The following ACAD11 variants were observed in gnomAD, a reference collection of about 807,000 sequenced individuals.
The protein encoded by ACAD11 is acyl-CoA dehydrogenase family member 11, also known as acyl-Coenzyme A dehydrogenase family, member 11.
ACAD11 carries 83 observed loss-of-function variants against 102.2 expected under a neutral mutation model. That is an observed-to-expected ratio of 0.81 (90% CI 0.68 to 0.97). ACAD11 has a LOEUF of 0.97. ACAD11 is among the 50% of genes least tolerant of loss of function. The pLI is 0.00. For synonymous variants in ACAD11, 324 were observed against 319.8 expected, an observed-to-expected ratio of 1.01 and a Z score of -0.14; for missense variants, 901 against 951.7, an observed-to-expected ratio of 0.95 and a Z score of 0.70.
At chr3:132,633,373 T>C (rs749633063) in intron 5 of ACAD11, among the ~76,000 whole-genome samples, 24 of 152,182 alleles carry the variant, frequency 1.6e-4, no homozygotes, top group Non-Finnish European at 3.5e-4. Flanking sequence ...TGCTGGATTA[T>C]GTTTACTGAT....
At position 132,639,517 on chromosome 3, in the gene ACAD11, T is replaced by C. The variant is rs1242140033; in HGVS notation, c.677A>G (p.Asp226Gly). 2 of 1,613,666 alleles carry C rather than the reference T, an allele frequency of 1.2e-6. No homozygotes were observed. Among genetic ancestry groups the C allele is most frequent in the Non-Finnish European group, 8.5e-7 (1 of 1,179,932 alleles). Residue 226 changes from aspartate to glycine, a missense_variant, in exon 5 of 20, where the codon GAT becomes GGT. Coordinates refer to ENST00000264990, the MANE Select transcript of ACAD11 (RefSeq NM_032169.5). ...ENLIHGDFRL[D>G]NIVFHPKECR... ...CTCTTTAGGGTGGAAAACTATGTTA[T>C]CTAGTCTGAAATCTCCATGAATCAA...
At position 132,609,772 on chromosome 3, in the gene ACAD11, G is replaced by A. The variant is rs147918534; in HGVS notation, c.1415-4567C>T. Among the ~76,000 whole-genome samples, 375 of 152,114 alleles carry A rather than the reference G, an allele frequency of 2.5e-3. 2 individuals carry two copies. Among genetic ancestry groups the A allele is most frequent in the African/African-American group, 8.6e-3 (355 of 41,498 alleles). On this transcript the variant is annotated intron_variant, in intron 11 of 19. Coordinates refer to ENST00000264990, the MANE Select transcript of ACAD11 (RefSeq NM_032169.5). The stretch of plus-strand genomic sequence containing the variant: ...AAAAAGAGGGACTCCTTCCTAACTC[G>A]TTTTATGAGGCCAGCATCATCCTGA...
chr3:132,565,900 C>T (rs1399442917), intron 17 of ACAD11, among the ~76,000 whole-genome samples: 1 of 152,166 alleles, frequency 6.6e-6, no homozygotes. Context: ...GCTTGTACAG[C>T]CTGCAGAACC....
intron 13 of ACAD11, among the ~76,000 whole-genome samples, chr3:132,591,018 A>T (rs2107807688): frequency 6.6e-6 from 1 of 152,262 alleles, no homozygotes; most frequent in East Asian, 1.9e-4. Flanking sequence ...ATTAGATCTC[A>T]CTTGTCAATT....
intron 11 of ACAD11, 66 bp from the exon 12 acceptor site, chr3:132,605,271 A>C: frequency 1.7e-6 from 2 of 1,144,768 alleles, no homozygotes; most frequent in Non-Finnish European, 2.6e-6. Flanking sequence ...CCACAACTTT[A>C]TGTAGAGAGT....
chr3:132,603,410 A>G, intron 12 of ACAD11, 83 bp from the exon 13 acceptor site: 1 of 1,233,466 alleles, frequency 8.1e-7, no homozygotes, highest in Non-Finnish European at 1.2e-6. Flanking sequence ...TTTAAAAACA[A>G]AGACATCTTT....
intron 1 of ACAD11, chr3:132,659,323 G>A (rs934028823): frequency 9.5e-6 from 4 of 422,480 alleles, no homozygotes; most frequent in Non-Finnish European, 1.7e-5. Flanking sequence ...TAATTGCCTT[G>A]GTGAATCCTC....
chr3:132,657,509 T>C (rs554272002), intron 1 of ACAD11, among the ~76,000 whole-genome samples: 162 of 152,294 alleles, frequency 1.1e-3, no homozygotes, highest in Middle Eastern at 6.8e-3. Context: ...AATCAATAGA[T>C]CAACTGGAAG....
chr3:132,641,698 G>GAAGAAGAAGAAGAAGAA (rs1940525618), intron 4 of ACAD11, among the ~76,000 whole-genome samples: 1 of 116,700 alleles, frequency 8.6e-6, no homozygotes, highest in African/African-American at 4.2e-5. Context: ...AAGAGGAAGA[G>GAAGAAGAAGAAGAAGAA]GAAGAAGAAG....
At position 132,659,770 on chromosome 3, in the gene ACAD11, C is replaced by A; in HGVS notation, c.-19G>T. 6.3e-7 allele frequency: 1 copy of A among 1,575,196 alleles called. No homozygotes were observed. The highest frequency in any genetic ancestry group is 8.6e-7 in the Non-Finnish European group (1 of 1,159,354). ...GCTTCATGATCACCCCCGCAGGCCACAGCAACGCGGCATCCACAGGTCTCG... is the reference window on the plus strand; with the variant it reads ...GCTTCATGATCACCCCCGCAGGCCAAAGCAACGCGGCATCCACAGGTCTCG... On this transcript the variant is annotated 5_prime_UTR_variant, in exon 1 of 20. Transcript: ENST00000264990.
chr3:132,632,581 G>T (rs1477886450), intron 5 of ACAD11, among the ~76,000 whole-genome samples: 5 of 152,168 alleles, frequency 3.3e-5, no homozygotes, highest in Non-Finnish European at 7.4e-5. Flanking sequence ...GGTTCCATAT[G>T]AACTTTAAAG....
At chr3:132,657,744 T>C (rs1057051061) in intron 1 of ACAD11, among the ~76,000 whole-genome samples, 56 of 152,212 alleles carry the variant, frequency 3.7e-4, no homozygotes, top group Non-Finnish European at 8.2e-4. Flanking sequence ...ACACTGAACT[T>C]TGATAGTCTT....
chr3:132,579,056 T>C (rs558587560), intron 14 of ACAD11, 175 bp from the exon 15 acceptor site: 6 of 1,505,826 alleles, frequency 4.0e-6, no homozygotes, highest in Non-Finnish European at 5.3e-6. Context: ...CAGGCTGTGA[T>C]CTGGAACAGA....
At chr3:132,638,979 C>G (rs528779472) in intron 5 of ACAD11, among the ~76,000 whole-genome samples, 3 of 152,118 alleles carry the variant, frequency 2.0e-5, no homozygotes, top group African/African-American at 7.2e-5. Context: ...TGTTTATACT[C>G]TTTATAAAGA....
chr3:132,577,978 T>G (rs2107793507), intron 15 of ACAD11, among the ~76,000 whole-genome samples: 1 of 152,314 alleles, frequency 6.6e-6, no homozygotes, highest in South Asian at 2.1e-4. Context: ...ACTCTACAGC[T>G]GCATCTTAAC....
Position 132,589,089 on chromosome 3 carries a change from AC to A in ACAD11, c.1622-9532del, listed in dbSNP as rs369409381. ...TGGTCACCTTTTTCACTATATGAGG[AC>A]AGAACAAGAAGGTGCCATCTATGAA... On this transcript the variant is annotated intron_variant, in intron 13 of 19. Transcript: ENST00000264990. Among the ~76,000 whole-genome samples the A allele has an allele frequency of 2.8e-3, 427 of 152,294 alleles. 5 individuals carry two copies. The highest frequency in any genetic ancestry group is 9.0e-3 in the African/African-American group (376 of 41,560).
chr3:132,616,187 A>G (rs1400116206), intron 11 of ACAD11, among the ~76,000 whole-genome samples: 2 of 152,188 alleles, frequency 1.3e-5, no homozygotes, highest in Non-Finnish European at 2.9e-5. Flanking sequence ...TGCTTAGAAG[A>G]GTTGCTCATC....
chr3:132,654,302 T>C (rs1937665584), intron 1 of ACAD11: 1 of 152,200 alleles, frequency 6.6e-6, no homozygotes, highest in Non-Finnish European at 1.5e-5. Flanking sequence ...TACACAAACC[T>C]AGATGGTATA....
intron 11 of ACAD11, among the ~76,000 whole-genome samples, chr3:132,610,265 G>A (rs547130214): frequency 1.3e-5 from 2 of 152,196 alleles, no homozygotes; most frequent in East Asian, 3.9e-4. Flanking sequence ...ATGCCCACAA[G>A]AGAAAGCAGG....
Sources: allele counts gnomAD v4.1 joint callset (sites outside exome capture counted in the v4.1 genomes callset), GRCh38; gene constraint gnomAD v4.1.1; transcripts MANE v1.5; gene names NCBI Gene and HGNC (gene_info 2026-07-23, HGNC 2026-07-21).